The following PARP14 variants were observed in gnomAD, a reference collection of about 807,000 sequenced individuals.
PARP14 encodes protein mono-ADP-ribosyltransferase PARP14.
A neutral mutation model predicts 154.2 loss-of-function variants in PARP14; 59 were observed. The observed-to-expected ratio is 0.38, with a 90% CI of 0.31 to 0.48. The LOEUF is 0.48. PARP14 is among the 20% of genes least tolerant of loss of function. The pLI is 0.98. For missense variants in PARP14, 1,734 were observed against 2,131.6 expected (o/e 0.81, Z 3.67); for synonymous variants, 720 against 780.5 (o/e 0.92, Z 1.29).
intron 8 of PARP14, among the ~76,000 whole-genome samples, chr3:122,705,506 A>G (rs968317840): frequency 2.0e-5 from 3 of 152,202 alleles, no homozygotes; most frequent in Non-Finnish European, 2.9e-5. Context: ...ACTATCATCA[A>G]TCATGAGTTC....
intron 1 of PARP14, 143 bp from the exon 2 acceptor site, chr3:122,685,042 C>T: frequency 1.3e-6 from 1 of 775,320 alleles, no homozygotes; most frequent in South Asian, 2.0e-5. Flanking sequence ...TAAACTTTTC[C>T]TCTTTTACTT....
At chr3:122,714,043 T>TACATGGGAC in intron 11 of PARP14, 109 bp downstream of exon 11, 1 of 856,920 alleles carries the variant, frequency 1.2e-6, no homozygotes, top group Non-Finnish European at 1.9e-6. Flanking sequence ...TTTAAAATGA[T>TACATGGGAC]ACATTTTACT....
intron 9 of PARP14, 79 bp from the exon 10 acceptor site, chr3:122,713,345 G>A (rs1939382337): frequency 8.4e-7 from 1 of 1,187,826 alleles, no homozygotes; most frequent in South Asian, 1.5e-5. Context: ...ACATCCAAGA[G>A]GGTCCCATGT....
intron 12 of PARP14, 26 bp from the exon 13 acceptor site, chr3:122,718,045 A>G: frequency 1.2e-6 from 2 of 1,601,278 alleles, no homozygotes; most frequent in Admixed American, 1.7e-5. Context: ...TTTGTCCTTC[A>G]GCAATTTTAT....
Position 122,700,231 on chromosome 3 carries a change from C to T in PARP14, c.1677C>T (p.Phe559=). The part of the protein sequence containing the change: ...VNWKEFSKCL[F]IAQKILALYE... ...GGAAAGAATTCTCTAAGTGTCTTTT[C>T]ATAGCACAGAAGATTCTTGCACTTT... is the stretch of plus-strand genomic sequence containing the variant. The change falls in exon 6 of 17, where the codon TTC becomes TTT. Residue 559 remains phenylalanine, a synonymous_variant. Coordinates refer to ENST00000474629, the MANE Select transcript of PARP14 (RefSeq NM_017554.3). The T allele has an allele frequency of 6.2e-7, 1 of 1,611,980 alleles. No individual in the cohort carries two copies. Among genetic ancestry groups the T allele is most frequent in the Non-Finnish European group, 8.5e-7 (1 of 1,178,722 alleles).
intron 1 of PARP14, among the ~76,000 whole-genome samples, chr3:122,682,985 G>A (rs950337369): frequency 6.6e-6 from 1 of 152,160 alleles, no homozygotes; most frequent in African/African-American, 2.4e-5. Context: ...AACCAGGGAG[G>A]CAGAGGTTGC....
intron 9 of PARP14, 60 bp downstream of exon 9, chr3:122,708,328 C>A: frequency 1.2e-6 from 1 of 851,288 alleles, no homozygotes. Flanking sequence ...TGTTCATTGG[C>A]AGGTAAAAGA....
rs1313868392 is a variant in PARP14, at chr3:122,692,338, T to C, written c.393T>C (p.Asp131=). 1 of 1,612,902 alleles carries C rather than the reference T, an allele frequency of 6.2e-7. No individual in the cohort carries two copies. The highest frequency in any genetic ancestry group is 1.7e-5 in the Admixed American group (1 of 59,988). Residue 131 remains aspartate, a synonymous_variant, in exon 4 of 17, where the codon GAT becomes GAC. Transcript: ENST00000474629. ...SEELDTKLPL[D]GGLDKMEDIP... ...AATTGGATACAAAACTCCCTCTTGA[T>C]GGTGGATTAGACAAAATGGAAGATA...
chr3:122,707,638 A>G (rs1166044984), intron 8 of PARP14, among the ~76,000 whole-genome samples: 1 of 151,906 alleles, frequency 6.6e-6, no homozygotes, highest in African/African-American at 2.4e-5. Flanking sequence ...AAAACACAAA[A>G]AACAAAAAAC....
At chr3:122,720,460 T>C in intron 15 of PARP14, 72 bp downstream of exon 15, 1 of 1,408,596 alleles carries the variant, frequency 7.1e-7, no homozygotes, top group Non-Finnish European at 9.9e-7. Flanking sequence ...ATAAAATCCA[T>C]TTTCATTCAC....
chr3:122,694,714 T>C (rs1187679808), intron 4 of PARP14, among the ~76,000 whole-genome samples: 3 of 152,100 alleles, frequency 2.0e-5, no homozygotes, highest in Non-Finnish European at 4.4e-5. Context: ...GAGACGGAGT[T>C]TCACTATGTT....
intron 8 of PARP14, among the ~76,000 whole-genome samples, chr3:122,705,380 A>C (rs1030621273): frequency 6.6e-6 from 1 of 152,250 alleles, no homozygotes; most frequent in Admixed American, 6.5e-5. Context: ...AGAAATTTTA[A>C]TACATAGTAT....
In PARP14 at chr3:122,690,255, A is replaced by G. The variant is rs551287190; in HGVS notation, c.356-2046A>G. On this transcript the variant is annotated intron_variant, in intron 3 of 16. Transcript: ENST00000474629. Reference sequence around the variant, plus strand: ...TACCCTCATTTTATGATTAAGAGACATGCCCAAGGTCACATGGCTAAAGAG... The same window carrying G: ...TACCCTCATTTTATGATTAAGAGACGTGCCCAAGGTCACATGGCTAAAGAG... Among the ~76,000 whole-genome samples, 3 of 152,372 alleles carry G rather than the reference A, an allele frequency of 2.0e-5. No homozygotes were observed. The East Asian group carries it at 5.8e-4, about 29-fold the overall frequency.
rs1939095898 is a variant in PARP14, at chr3:122,704,712, C to T, written c.3504C>T (p.His1168=). Reference sequence around the variant, plus strand: ...AGCTGAAAACTTTACAAGAGGTTCACTTTCTGCTGCACCCGAGTGATCATG... The same window carrying T: ...AGCTGAAAACTTTACAAGAGGTTCATTTTCTGCTGCACCCGAGTGATCATG... The part of the protein sequence containing the change: ...KNQLKTLQEV[H]FLLHPSDHEN... Residue 1168 remains histidine (H), a synonymous_variant, in exon 8 of 17, where the codon CAC becomes CAT. Transcript: ENST00000474629. 1 of 1,604,392 alleles carries T rather than the reference C, an allele frequency of 6.2e-7. No homozygotes were observed. Among genetic ancestry groups the T allele is most frequent in the Non-Finnish European group, 8.5e-7 (1 of 1,174,408 alleles).
intron 5 of PARP14, among the ~76,000 whole-genome samples, chr3:122,699,043 A>G (rs17270831): frequency 0.051 from 7,716 of 152,328 alleles, 271 homozygotes; most frequent in Middle Eastern, 0.11. Context: ...CAAGATTTCA[A>G]CATAGATGGA....
At chr3:122,709,231 A>G (rs1167510661) in intron 9 of PARP14, among the ~76,000 whole-genome samples, 2 of 151,426 alleles carry the variant, frequency 1.3e-5, no homozygotes, top group Non-Finnish European at 2.9e-5. Context: ...GGAGTCCCCA[A>G]ATTCCATTAT....
intron 15 of PARP14, among the ~76,000 whole-genome samples, chr3:122,725,777 T>G (rs1192546979): frequency 1.3e-5 from 2 of 152,214 alleles, no homozygotes; most frequent in South Asian, 2.1e-4. Flanking sequence ...TAATCTTACT[T>G]ACTGTACTTA....
intron 3 of PARP14, among the ~76,000 whole-genome samples, chr3:122,688,010 A>G (rs925751295): frequency 6.6e-6 from 1 of 152,220 alleles, no homozygotes. Flanking sequence ...TTTGTCTAAT[A>G]TCGATGTCCT....
intron 8 of PARP14, among the ~76,000 whole-genome samples, chr3:122,706,817 CAA>C (rs796804488): frequency 2.2e-4 from 28 of 124,594 alleles, no homozygotes; most frequent in South Asian, 2.5e-4. Flanking sequence ...CACCAACAGG[CAA>C]AAAAAAAAAA....
Sources: gnomAD v4.1 joint callset for allele counts (sites outside exome capture counted in the v4.1 genomes callset) on GRCh38, gnomAD v4.1.1 for gene constraint, MANE v1.5 for transcripts, NCBI Gene and HGNC (gene_info 2026-07-23, HGNC 2026-07-21) for gene names.